Variants in XKRX observed in about 807,000 individuals in gnomAD.
The protein encoded by XKRX is XK related X-linked.
Under a neutral mutation model 22.4 loss-of-function variants are expected in XKRX, and 11 were observed. The observed-to-expected ratio is 0.49, with a 90% CI of 0.31 to 0.81. XKRX has a LOEUF of 0.81. XKRX is among the 40% of genes least tolerant of loss of function. The pLI is 0.05. For missense variants in XKRX, 320 were observed against 336.5 expected, an observed-to-expected ratio of 0.95 and a Z score of 0.38; for synonymous variants, 114 against 132.2, an observed-to-expected ratio of 0.86 and a Z score of 0.94.
chrX:100,954,958 G>A, the XKRX span, among the ~76,000 whole-genome samples: 1 of 111,449 alleles, frequency 9.0e-6, no homozygotes, highest in Non-Finnish European at 1.9e-5. Flanking sequence ...GGGCACGGGG[G>A]GAGTGATAAA....
chrX:100,888,422 A>C, the XKRX span: 10 of 981,461 alleles, frequency 1.0e-5, no homozygotes, highest in South Asian at 5.9e-5. Context: ...AACAAACCCA[A>C]AGCCCCTGGA....
chrX:100,946,760 T>C, the XKRX span, among the ~76,000 whole-genome samples: 5 of 112,009 alleles, frequency 4.5e-5, no homozygotes, highest in Non-Finnish European at 9.4e-5. Context: ...ATTTCTTCCC[T>C]TCCTGTGATG....
the XKRX span, among the ~76,000 whole-genome samples, chrX:100,954,925 G>A: frequency 8.9e-6 from 1 of 111,805 alleles, no homozygotes; most frequent in Non-Finnish European, 1.9e-5. Context: ...AAGGCTAGTG[G>A]CTGTTAAGTG....
the XKRX span, among the ~76,000 whole-genome samples, chrX:100,951,106 C>T: frequency 2.5e-4 from 27 of 108,100 alleles, no homozygotes; most frequent in Non-Finnish European, 4.6e-4. Context: ...TGGTGGTGGG[C>T]GCCTGTAATC....
chrX:100,921,013 T>C (rs995361342), intron 2 of XKRX, among the ~76,000 whole-genome samples: 1 of 111,186 alleles, frequency 9.0e-6, no homozygotes, highest in African/African-American at 3.3e-5. Context: ...GTGATTCTCA[T>C]GCATCAGCCT....
chrX:100,958,243 A>G, the XKRX span, among the ~76,000 whole-genome samples: 24,009 of 111,167 alleles, frequency 0.22, 2,307 homozygotes, highest in East Asian at 0.36. Context: ...GAGTTGCTAT[A>G]GACTATTTTG....
At chrX:100,897,000 G>A in the XKRX span, among the ~76,000 whole-genome samples, 9 of 111,616 alleles carry the variant, frequency 8.1e-5, no homozygotes, top group South Asian at 2.2e-3. Context: ...TATTTTGACC[G>A]TACATCCCTA....
chrX:100,913,048 A>G (rs1259694332), downstream of XKRX, among the ~76,000 whole-genome samples: 3 of 109,350 alleles, frequency 2.7e-5, no homozygotes, highest in African/African-American at 1.0e-4. Context: ...AAATACAAAA[A>G]TTAGCCATGC....
intron 2 of XKRX, among the ~76,000 whole-genome samples, chrX:100,917,718 G>GAAATAAATAAATAAAT (rs1162920442): frequency 2.3e-5 from 2 of 85,764 alleles, no homozygotes; most frequent in African/African-American, 3.7e-5. Flanking sequence ...AAGAAAGAAA[G>GAAATAAATAAATAAAT]AAAGAAATCC....
chrX:100,894,467 T>C, the XKRX span, among the ~76,000 whole-genome samples: 1 of 111,542 alleles, frequency 9.0e-6, no homozygotes, highest in Non-Finnish European at 1.9e-5. Context: ...GATATCTGCA[T>C]TTGAATGCAT....
At chrX:100,900,849 T>G in the XKRX span, among the ~76,000 whole-genome samples, 19 of 102,159 alleles carry the variant, frequency 1.9e-4, no homozygotes, top group Admixed American at 5.4e-4. Context: ...GAGTGCAGTG[T>G]CACGATCTCG....
At chrX:100,911,295 T>C (rs1000732728), downstream of XKRX, 3 of 1,064,888 alleles carry the variant, frequency 2.8e-6, no homozygotes, top group African/African-American at 3.7e-5. Flanking sequence ...TGCTTACCAA[T>C]ACTTGGTGTA....
At chrX:100,938,270 C>T in the XKRX span, among the ~76,000 whole-genome samples, 1 of 110,789 alleles carries the variant, frequency 9.0e-6, no homozygotes, top group African/African-American at 3.3e-5. Context: ...CAGGCCATGC[C>T]AAATCTCTCT....
chrX:100,957,375 C>T, the XKRX span: 45 of 1,203,580 alleles, frequency 3.7e-5, no homozygotes, highest in Middle Eastern at 6.9e-4. Flanking sequence ...GCCTGAAAAA[C>T]GCTGTGCTGA....
chrX:100,915,017 A>T lies in XKRX; in HGVS notation c.671T>A (p.Ile224Asn), dbSNP rs1174686801. The change falls in exon 3 of 3, where the codon ATC (isoleucine) becomes AAC (asparagine). Residue 224 changes from isoleucine to asparagine, a missense_variant. Ile to Asn is a moderately radical substitution (Grantham distance 149). Transcript: ENST00000372956. ...CTTGTAGTCATCGTACTTGATCTGG[A>T]TAGCCAACATATTGCAAAGGGTGGC... ...YGATLCNMLA[I>N]QIKYDDYKIR... 8.3e-7 allele frequency: 1 copy of T among 1,209,895 alleles called. No homozygotes were observed. The highest frequency in any genetic ancestry group is 1.1e-6 in the Non-Finnish European group (1 of 895,205).
At chrX:100,919,690 A>C (rs1250981724) in intron 2 of XKRX, among the ~76,000 whole-genome samples, 4 of 112,247 alleles carry the variant, frequency 3.6e-5, no homozygotes, top group Non-Finnish European at 5.6e-5. Flanking sequence ...GAATTATTTT[A>C]AAAGTCAATT....
chrX:100,898,009 A>C, the XKRX span, among the ~76,000 whole-genome samples: 2 of 111,653 alleles, frequency 1.8e-5, no homozygotes, highest in East Asian at 5.6e-4. Flanking sequence ...TCCTTACACA[A>C]AAATTAAAAG....
upstream of XKRX, chrX:100,928,976 C>T (rs912162987): frequency 2.1e-5 from 7 of 340,802 alleles, no homozygotes; most frequent in Non-Finnish European, 7.6e-6. Flanking sequence ...CCCCCAAGAC[C>T]GCCTGGCCCG....
At chrX:100,900,933 G>T in the XKRX span, among the ~76,000 whole-genome samples, 1 of 108,503 alleles carries the variant, frequency 9.2e-6, no homozygotes, top group Admixed American at 9.9e-5. Context: ...GGGACTACAG[G>T]AGCCCACCAC....
Sources: allele counts gnomAD v4.1 joint callset (sites outside exome capture counted in the v4.1 genomes callset), GRCh38; gene constraint gnomAD v4.1.1; transcripts MANE v1.5; gene names NCBI Gene and HGNC (gene_info 2026-07-23, HGNC 2026-07-21).